Variants in VWDE observed in about 807,000 individuals in gnomAD.
The protein encoded by VWDE is von Willebrand factor D and EGF domains.
Under a neutral mutation model 178.4 loss-of-function variants are expected in VWDE, and 207 were observed. That is an observed-to-expected ratio of 1.16 (90% CI 1.04 to 1.30). The LOEUF (loss-of-function observed/expected upper bound fraction) is 1.30, where lower values mean the gene tolerates loss of function less well. VWDE is among the 50% of genes most tolerant of loss of function. The pLI is 0.00. For missense variants in VWDE, 2,287 were observed against 1,901.3 expected (o/e 1.20, Z -3.77); for synonymous variants, 738 against 651.4 (o/e 1.13, Z -2.02).
intron 26 of VWDE, 41 bp downstream of exon 26, chr7:12,336,947 G>C (rs1222693583): frequency 6.7e-7 from 1 of 1,495,524 alleles, no homozygotes; most frequent in South Asian, 1.3e-5. Flanking sequence ...ACATTCCCAT[G>C]AAGGACGAAA....
chr7:12,388,728 A>T (rs1784225202), intron 3 of VWDE: 1 of 302,482 alleles, frequency 3.3e-6, no homozygotes, highest in African/African-American at 2.2e-5. Flanking sequence ...TTTCTGGCAC[A>T]GGATAAACAT....
chr7:12,396,754 T>TA (rs60278932), intron 1 of VWDE, among the ~76,000 whole-genome samples: 220 of 140,038 alleles, frequency 1.6e-3, no homozygotes, highest in Non-Finnish European at 2.2e-3. Flanking sequence ...CATCTCTACT[T>TA]AAAAAAAAAA....
At chr7:12,364,458 G>A (rs927031357) in intron 13 of VWDE, among the ~76,000 whole-genome samples, 2 of 152,060 alleles carry the variant, frequency 1.3e-5, no homozygotes, top group African/African-American at 4.8e-5. Context: ...AAAATTATGG[G>A]AGCAAGTTAA....
intron 1 of VWDE, among the ~76,000 whole-genome samples, chr7:12,396,184 T>C (rs1204545640): frequency 6.6e-6 from 1 of 152,168 alleles, no homozygotes; most frequent in Admixed American, 6.5e-5. Context: ...TTTCTATATA[T>C]GAGGTAACCT....
chr7:12,351,731 G>A lies in VWDE; in HGVS notation c.3746-18C>T, dbSNP rs1320692095. 3 of 1,526,244 alleles carry A rather than the reference G, an allele frequency of 2.0e-6. No individual in the cohort carries two copies. In the Admixed American group the frequency reaches 6.3e-5, roughly 32 times the overall value. 94.5% of individuals were successfully genotyped at this position (1,526,244 alleles called of 1,614,324 possible). ...TGTTTCAACTGTAAATGAGAACAAG[G>A]AAAACAGATTAGACTTAAACTATTA... On this transcript the variant is annotated intron_variant, in intron 18 of 28. Transcript: ENST00000275358.
intron 5 of VWDE, among the ~76,000 whole-genome samples, chr7:12,379,800 A>T (rs1053010420): frequency 3.9e-5 from 6 of 152,166 alleles, no homozygotes; most frequent in African/African-American, 9.7e-5. Flanking sequence ...GGATGTTTTT[A>T]AAAAGTACTT....
At chr7:12,352,873 T>C (rs1782020318) in intron 18 of VWDE, among the ~76,000 whole-genome samples, 1 of 152,222 alleles carries the variant, frequency 6.6e-6, no homozygotes. Context: ...AAAATGTTGA[T>C]GCCCACCAAT....
At chr7:12,337,885 T>C (rs935444835) in intron 24 of VWDE, among the ~76,000 whole-genome samples, 1 of 152,172 alleles carries the variant, frequency 6.6e-6, no homozygotes, top group Non-Finnish European at 1.5e-5. Flanking sequence ...AGAGTAACGT[T>C]AATATGTATT....
chr7:12,335,748 C>T (rs1780985623), intron 27 of VWDE, among the ~76,000 whole-genome samples: 1 of 152,200 alleles, frequency 6.6e-6, no homozygotes, highest in Admixed American at 6.5e-5. Flanking sequence ...AGCCACTGCA[C>T]CCGGCCTAGA....
chr7:12,372,893 A>C (rs1345036186), intron 10 of VWDE, 84 bp downstream of exon 10: 1 of 1,328,048 alleles, frequency 7.5e-7, no homozygotes, highest in African/African-American at 1.5e-5. Context: ...AATGTTGAAA[A>C]ATGATAGCTC....
At chr7:12,342,618 T>G (rs1049801273) in intron 22 of VWDE, among the ~76,000 whole-genome samples, 1 of 151,830 alleles carries the variant, frequency 6.6e-6, no homozygotes, top group Non-Finnish European at 1.5e-5. Context: ...CTTTTTATTT[T>G]TTTCCTGGGA....
At chr7:12,344,782 T>C (rs1363233818) in intron 19 of VWDE, among the ~76,000 whole-genome samples, 1 of 152,162 alleles carries the variant, frequency 6.6e-6, no homozygotes, top group Non-Finnish European at 1.5e-5. Flanking sequence ...ATAGAAACAA[T>C]GCCTTTAAAA....
At chr7:12,395,175 C>T (rs1225840970) in intron 1 of VWDE, among the ~76,000 whole-genome samples, 2 of 151,928 alleles carry the variant, frequency 1.3e-5, no homozygotes, top group African/African-American at 2.4e-5. Flanking sequence ...CAAAAGGCTC[C>T]GATGTCAACA....
chr7:12,398,764 C>G (rs1376886552), intron 1 of VWDE, among the ~76,000 whole-genome samples: 2 of 151,940 alleles, frequency 1.3e-5, no homozygotes, highest in Non-Finnish European at 2.9e-5. Context: ...CAAACGGAGG[C>G]CATTATCCTA....
chr7:12,353,145 A>C (rs12671655), intron 18 of VWDE, among the ~76,000 whole-genome samples: 134,181 of 151,798 alleles, frequency 0.88, 59,385 homozygotes, highest in Admixed American at 0.92. Context: ...CGGGGCTTAA[A>C]CAACAGAAAT....
At chr7:12,387,986 C>A (rs1172891713) in intron 3 of VWDE, among the ~76,000 whole-genome samples, 1 of 152,088 alleles carries the variant, frequency 6.6e-6, no homozygotes, top group Non-Finnish European at 1.5e-5. Flanking sequence ...GGAGATTTAC[C>A]TTAGGAGTGC....
chr7:12,388,955 A>G (rs748443348), intron 3 of VWDE, 172 bp downstream of exon 3: 2 of 721,030 alleles, frequency 2.8e-6, no homozygotes, highest in South Asian at 1.5e-5. Context: ...TTGGCAAAGA[A>G]CCCTAAAGAA....
chr7:12,370,575 T>C (rs1783128964), intron 11 of VWDE, 66 bp from the exon 12 acceptor site: 1 of 1,526,930 alleles, frequency 6.5e-7, no homozygotes, highest in African/African-American at 1.4e-5. Flanking sequence ...TAATATGTGT[T>C]GCAAAAAAGC....
chr7:12,351,664 T>C lies in VWDE; in HGVS notation c.3795A>G (p.Thr1265=), dbSNP rs895477999. 6.5e-7 allele frequency: 1 copy of C among 1,549,952 alleles called. No individual in the cohort carries two copies. Among genetic ancestry groups the C allele is most frequent in the African/African-American group, 1.4e-5 (1 of 72,970 alleles). The change falls in exon 19 of 29, where the codon ACA becomes ACG. Residue 1265 remains threonine, a synonymous_variant. Coordinates refer to ENST00000275358, the MANE Select transcript of VWDE (RefSeq NM_001135924.3). ...CTTTATTTACACTTTTATCAGATCT[T>C]GTGAGAACCACAGTTTGTGTAGTAA... The part of the protein sequence containing the change: ...NQFTTQTVVL[T]RSDKSVNKEE...
Sources: allele counts gnomAD v4.1 joint callset (sites outside exome capture counted in the v4.1 genomes callset), GRCh38; gene constraint gnomAD v4.1.1; transcripts MANE v1.5; gene names NCBI Gene and HGNC (gene_info 2026-07-23, HGNC 2026-07-21).